ZC3H12B: variants seen among roughly 807,000 people sequenced by gnomAD.
The protein encoded by ZC3H12B is probable ribonuclease ZC3H12B.
ZC3H12B carries 7 observed loss-of-function variants against 43.9 expected under a neutral mutation model. That is an observed-to-expected ratio of 0.16 (90% CI 0.09 to 0.30). The LOEUF is 0.30. Among genes scored for constraint, ZC3H12B ranks in the 10% least tolerant of loss-of-function variants. ZC3H12B has a pLI of 1.00. For missense variants in ZC3H12B, 475 were observed against 670.2 expected, an observed-to-expected ratio of 0.71 and a Z score of 3.22; for synonymous variants, 222 against 241.7, an observed-to-expected ratio of 0.92 and a Z score of 0.76.
chrX:65,382,443 G>A (rs1197398935), intron 2 of ZC3H12B, among the ~76,000 whole-genome samples: 2 of 111,121 alleles, frequency 1.8e-5, no homozygotes, highest in South Asian at 3.8e-4. Context: ...CGTATTGATG[G>A]GACGTATCTC....
chrX:65,427,904 G>A (rs761421035), intron 3 of ZC3H12B, among the ~76,000 whole-genome samples: 7 of 111,890 alleles, frequency 6.3e-5, no homozygotes, highest in African/African-American at 2.3e-4. Flanking sequence ...GGCTGGTAAT[G>A]TTTTTCCTCC....
chrX:65,330,234 T>C, the ZC3H12B span, among the ~76,000 whole-genome samples: 1 of 111,702 alleles, frequency 9.0e-6, no homozygotes. Flanking sequence ...AGAATGCTTG[T>C]GATTTTTGCA....
the ZC3H12B span, among the ~76,000 whole-genome samples, chrX:65,155,263 C>CT: frequency 1.9e-4 from 20 of 104,395 alleles, no homozygotes; most frequent in African/African-American, 2.4e-4. Context: ...TGGCCTGCTA[C>CT]TTTTTTTTTT....
intron 3 of ZC3H12B, among the ~76,000 whole-genome samples, chrX:65,439,185 C>T (rs897698082): frequency 8.9e-6 from 1 of 112,156 alleles, no homozygotes; most frequent in Non-Finnish European, 1.9e-5. Flanking sequence ...GGTCAGTGTG[C>T]CTGGGATGCT....
the ZC3H12B span, among the ~76,000 whole-genome samples, chrX:65,333,518 A>G: frequency 8.9e-6 from 1 of 112,113 alleles, no homozygotes; most frequent in Non-Finnish European, 1.9e-5. Flanking sequence ...GAAAAACAAA[A>G]CAAAGGATCA....
chrX:65,487,307 G>A (rs933074960), upstream of ZC3H12B, among the ~76,000 whole-genome samples: 5 of 112,542 alleles, frequency 4.4e-5, no homozygotes, highest in South Asian at 3.7e-4. Flanking sequence ...TTGGGAAGCC[G>A]AGGAGGGTGG....
the ZC3H12B span, among the ~76,000 whole-genome samples, chrX:65,240,513 G>T: frequency 9.0e-6 from 1 of 111,552 alleles, no homozygotes; most frequent in African/African-American, 3.3e-5. Flanking sequence ...GCTAGAACAT[G>T]CTTCTTTAGC....
the ZC3H12B span, among the ~76,000 whole-genome samples, chrX:65,123,340 G>A: frequency 1.8e-5 from 2 of 111,455 alleles, no homozygotes; most frequent in Non-Finnish European, 3.8e-5. Flanking sequence ...GTGTTTTATT[G>A]AGGATTTTTA....
chrX:65,290,431 A>G, the ZC3H12B span, among the ~76,000 whole-genome samples: 1 of 111,158 alleles, frequency 9.0e-6, no homozygotes. Context: ...CAATGTTGAG[A>G]CTTCCGAAAA....
At chrX:65,090,861 C>T in the ZC3H12B span, among the ~76,000 whole-genome samples, 2 of 111,222 alleles carry the variant, frequency 1.8e-5, no homozygotes, top group Non-Finnish European at 3.8e-5. Context: ...TTAGCACTAT[C>T]CCTTTGTTGC....
the ZC3H12B span, among the ~76,000 whole-genome samples, chrX:65,336,032 C>T: frequency 8.9e-6 from 1 of 111,870 alleles, no homozygotes; most frequent in East Asian, 2.8e-4. Flanking sequence ...TTACAGGGGT[C>T]CTAGGCCCAT....
At chrX:65,231,059 G>A in the ZC3H12B span, among the ~76,000 whole-genome samples, 6 of 111,244 alleles carry the variant, frequency 5.4e-5, no homozygotes, top group East Asian at 2.8e-4. Flanking sequence ...CTAATTGTTG[G>A]CCGGTCTGAG....
the ZC3H12B span, among the ~76,000 whole-genome samples, chrX:65,104,146 C>G: frequency 9.0e-6 from 1 of 111,482 alleles, no homozygotes; most frequent in Non-Finnish European, 1.9e-5. Context: ...GTTGACAAAC[C>G]TCACAAAAAC....
the ZC3H12B span, among the ~76,000 whole-genome samples, chrX:65,041,367 G>A: frequency 3.6e-5 from 4 of 111,739 alleles, no homozygotes; most frequent in Admixed American, 3.8e-4. Context: ...AGGTTAGGCA[G>A]CATTGGAGCT....
chrX:65,443,171 C>G (rs1453607436), intron 3 of ZC3H12B, among the ~76,000 whole-genome samples: 1 of 111,408 alleles, frequency 9.0e-6, no homozygotes, highest in African/African-American at 3.3e-5. Flanking sequence ...TGAAACGAAC[C>G]AGACCCCATA....
At chrX:65,170,848 C>T in the ZC3H12B span, among the ~76,000 whole-genome samples, 84 of 112,126 alleles carry the variant, frequency 7.5e-4, no homozygotes, top group African/African-American at 2.2e-3. Flanking sequence ...CTTGTGCATG[C>T]GTCACCTAGT....
At chrX:65,423,547 G>A (rs930838268) in intron 3 of ZC3H12B, among the ~76,000 whole-genome samples, 13 of 111,845 alleles carry the variant, frequency 1.2e-4, no homozygotes, top group African/African-American at 2.6e-4. Flanking sequence ...AATGATCACC[G>A]TTCTAACTGG....
At chrX:65,137,438 C>T in the ZC3H12B span, among the ~76,000 whole-genome samples, 1 of 111,681 alleles carries the variant, frequency 9.0e-6, no homozygotes, top group South Asian at 3.7e-4. Flanking sequence ...TTGAATAGTT[C>T]GTTATGATGA....
chrX:65,433,989 C>A (rs2067191972), intron 3 of ZC3H12B, among the ~76,000 whole-genome samples: 1 of 111,759 alleles, frequency 8.9e-6, no homozygotes, highest in African/African-American at 3.3e-5. Flanking sequence ...TATTTCACTT[C>A]CAGTAATACC....
Sources: gnomAD v4.1 joint callset for allele counts (sites outside exome capture counted in the v4.1 genomes callset) on GRCh38, gnomAD v4.1.1 for gene constraint, MANE v1.5 for transcripts, NCBI Gene and HGNC (gene_info 2026-07-23, HGNC 2026-07-21) for gene names.